The following ZFAND3 variants were observed in gnomAD, a reference collection of about 807,000 sequenced individuals.
ZFAND3 encodes the protein zinc finger AN1-type containing 3.
A neutral mutation model predicts 29.6 loss-of-function variants in ZFAND3; 10 were observed. That is an observed-to-expected ratio of 0.34 (90% CI 0.21 to 0.57). The LOEUF (loss-of-function observed/expected upper bound fraction) is 0.57, where lower values mean the gene tolerates loss of function less well. ZFAND3 is among the 20% of genes least tolerant of loss of function. The pLI, the probability that ZFAND3 is intolerant of heterozygous loss-of-function variation, is 0.86. For synonymous variants in ZFAND3, 128 were observed against 112.6 expected (o/e 1.14, Z -0.87); for missense variants, 230 against 304.5 (o/e 0.76, Z 1.82).
At chr6:37,895,524 T>C (rs12196747) in intron 1 of ZFAND3, among the ~76,000 whole-genome samples, 9,826 of 147,724 alleles carry the variant, frequency 0.067, 442 homozygotes, top group Non-Finnish European at 0.098. Flanking sequence ...TTTCTTTTTT[T>C]TTTTTGATTT....
intron 2 of ZFAND3, among the ~76,000 whole-genome samples, chr6:37,953,862 G>T (rs1012561732): frequency 6.6e-6 from 1 of 152,082 alleles, no homozygotes. Context: ...TTTCTCTCTG[G>T]TATCATTTCC....
chr6:38,142,484 G>A (rs1241009818), intron 5 of ZFAND3, among the ~76,000 whole-genome samples: 1 of 152,224 alleles, frequency 6.6e-6, no homozygotes, highest in African/African-American at 2.4e-5. Flanking sequence ...GATGGAATGC[G>A]TGCCTCCCCT....
chr6:38,063,385 T>G (rs1483553202), intron 3 of ZFAND3, among the ~76,000 whole-genome samples: 4 of 152,198 alleles, frequency 2.6e-5, no homozygotes, highest in Admixed American at 6.5e-5. Flanking sequence ...TTTGATAATG[T>G]CTGGAGACCA....
chr6:37,870,046 T>G (rs964554870), intron 1 of ZFAND3, among the ~76,000 whole-genome samples: 2 of 152,110 alleles, frequency 1.3e-5, no homozygotes, highest in Non-Finnish European at 2.9e-5. Flanking sequence ...CTGCTTTAGT[T>G]GAATTCCACA....
At chr6:37,974,604 C>G (rs1037757736) in intron 2 of ZFAND3, among the ~76,000 whole-genome samples, 1 of 152,010 alleles carries the variant, frequency 6.6e-6, no homozygotes, top group Non-Finnish European at 1.5e-5. Flanking sequence ...CTGTGCTGCC[C>G]AGGCTGGTCT....
intron 2 of ZFAND3, among the ~76,000 whole-genome samples, chr6:37,932,121 T>C (rs1016864330): frequency 3.9e-5 from 6 of 152,142 alleles, no homozygotes; most frequent in Admixed American, 6.5e-5. Context: ...ACACAAAAAT[T>C]AGCTGGGTGT....
chr6:38,038,969 T>C (rs962295453), intron 2 of ZFAND3, among the ~76,000 whole-genome samples: 1 of 151,980 alleles, frequency 6.6e-6, no homozygotes, highest in Non-Finnish European at 1.5e-5. Flanking sequence ...ACTACGGAGG[T>C]TGAAGTAAAC....
intron 1 of ZFAND3, among the ~76,000 whole-genome samples, chr6:37,853,756 C>G (rs981462924): frequency 1.3e-5 from 2 of 152,062 alleles, no homozygotes; most frequent in African/African-American, 2.4e-5. Context: ...ACTAAAACCC[C>G]TAAGAATCTA....
chr6:38,105,048 CAT>C (rs951101732), intron 4 of ZFAND3, among the ~76,000 whole-genome samples: 1 of 152,206 alleles, frequency 6.6e-6, no homozygotes, highest in Non-Finnish European at 1.5e-5. Context: ...TCAGTTTCCT[CAT>C]GTGTGAAATG....
chr6:38,023,344 G>A (rs1375140216), intron 2 of ZFAND3, among the ~76,000 whole-genome samples: 1 of 152,152 alleles, frequency 6.6e-6, no homozygotes, highest in African/African-American at 2.4e-5. Context: ...AGCTTAGCAT[G>A]AGACATTTAA....
chr6:38,150,228 T>G (rs1766193424), intron 5 of ZFAND3, among the ~76,000 whole-genome samples: 1 of 152,206 alleles, frequency 6.6e-6, no homozygotes, highest in African/African-American at 2.4e-5. Context: ...AACTTTGCTT[T>G]TGGACCAAGT....
intron 4 of ZFAND3, among the ~76,000 whole-genome samples, chr6:38,113,486 G>C (rs1206276975): frequency 6.6e-6 from 1 of 152,144 alleles, no homozygotes; most frequent in African/African-American, 2.4e-5. Flanking sequence ...CTCAGCATGG[G>C]ATCATGTAGA....
At chr6:37,940,210 C>T (rs541105380) in intron 2 of ZFAND3, among the ~76,000 whole-genome samples, 1 of 152,234 alleles carries the variant, frequency 6.6e-6, no homozygotes, top group East Asian at 1.9e-4. Flanking sequence ...CAGAAAAGCA[C>T]GGGACTGTTT....
chr6:38,075,723 A>G (rs1488116143), intron 3 of ZFAND3, among the ~76,000 whole-genome samples: 2 of 151,280 alleles, frequency 1.3e-5, no homozygotes, highest in Non-Finnish European at 2.9e-5. Context: ...TCTTTTGTGA[A>G]AGGAAGAGTC....
chr6:37,895,141 T>G (rs1030779292), intron 1 of ZFAND3, among the ~76,000 whole-genome samples: 4 of 152,102 alleles, frequency 2.6e-5, no homozygotes, highest in South Asian at 2.1e-4. Flanking sequence ...ATACATATAT[T>G]AAGCCTTTTA....
intron 2 of ZFAND3, among the ~76,000 whole-genome samples, chr6:37,954,541 C>T (rs190336028): frequency 5.5e-4 from 83 of 152,224 alleles, no homozygotes; most frequent in Non-Finnish European, 9.1e-4. Context: ...CCTTGTCTCC[C>T]GTCTAGCTTT....
intron 2 of ZFAND3, among the ~76,000 whole-genome samples, chr6:37,965,352 G>A (rs2127426214): frequency 6.6e-6 from 1 of 152,248 alleles, no homozygotes. Flanking sequence ...CACTGTCCTG[G>A]TGTATACAGA....
chr6:38,087,056 T>G (rs1011330104), intron 4 of ZFAND3, among the ~76,000 whole-genome samples: 17 of 152,242 alleles, frequency 1.1e-4, no homozygotes, highest in Non-Finnish European at 8.8e-5. Context: ...TGAACTCATT[T>G]TTGACAAAGG....
chr6:37,983,124 A>T (rs994745010), intron 2 of ZFAND3, among the ~76,000 whole-genome samples: 2 of 152,162 alleles, frequency 1.3e-5, no homozygotes, highest in African/African-American at 4.8e-5. Context: ...TTAAAAATTC[A>T]GAAGTTTTAT....
Sources: gnomAD v4.1 joint callset for allele counts (sites outside exome capture counted in the v4.1 genomes callset) on GRCh38, gnomAD v4.1.1 for gene constraint, MANE v1.5 for transcripts, NCBI Gene and HGNC (gene_info 2026-07-23, HGNC 2026-07-21) for gene names.